SYN3: variants seen among roughly 807,000 people sequenced by gnomAD.
The protein encoded by SYN3 is synapsin III.
Under a neutral mutation model 65.8 loss-of-function variants are expected in SYN3, and 35 were observed. The observed-to-expected ratio is 0.53, with a 90% CI of 0.41 to 0.70. The LOEUF (loss-of-function observed/expected upper bound fraction) is 0.70. SYN3 is among the 30% of genes least tolerant of loss of function. SYN3 has a pLI of 0.00. For missense variants in SYN3, 680 were observed against 749.0 expected (o/e 0.91, Z 1.08); for synonymous variants, 270 against 292.9 (o/e 0.92, Z 0.80).
At chr22:33,032,007 C>T (rs949738885) in intron 1 of SYN3, among the ~76,000 whole-genome samples, 10 of 152,082 alleles carry the variant, frequency 6.6e-5, no homozygotes, top group South Asian at 2.1e-4. Context: ...GTCAGGAGTT[C>T]GAGACCAGCC....
intron 6 of SYN3, among the ~76,000 whole-genome samples, chr22:32,745,321 T>C (rs531719036): frequency 6.6e-6 from 1 of 152,338 alleles, no homozygotes; most frequent in Non-Finnish European, 1.5e-5. Context: ...CCGCCTGTCT[T>C]TCCTGCCAGC....
chr22:32,615,084 A>C (rs961056185), intron 6 of SYN3, among the ~76,000 whole-genome samples: 1 of 152,174 alleles, frequency 6.6e-6, no homozygotes, highest in African/African-American at 2.4e-5. Context: ...ATGTGCGTTT[A>C]ACTCCTTTGA....
chr22:32,571,320 G>A (rs2058755703), intron 7 of SYN3, among the ~76,000 whole-genome samples: 1 of 152,142 alleles, frequency 6.6e-6, no homozygotes, highest in African/African-American at 2.4e-5. Flanking sequence ...CAGCGGGAGT[G>A]GCTGGCCCTG....
chr22:32,778,385 T>G (rs768089950), intron 6 of SYN3, among the ~76,000 whole-genome samples: 1 of 151,718 alleles, frequency 6.6e-6, no homozygotes, highest in African/African-American at 2.4e-5. Context: ...GACTTCCGAG[T>G]TCAAGCAATT....
At chr22:32,854,439 G>T (rs539195913) in intron 6 of SYN3, among the ~76,000 whole-genome samples, 7 of 152,282 alleles carry the variant, frequency 4.6e-5, no homozygotes, top group Admixed American at 1.3e-4. Context: ...GGCAGTCAAG[G>T]GGAAAGACTG....
chr22:33,047,968 T>G (rs541876272), intron 1 of SYN3, among the ~76,000 whole-genome samples: 71 of 152,136 alleles, frequency 4.7e-4, no homozygotes, highest in African/African-American at 1.7e-3. Flanking sequence ...TGTGTTGCCT[T>G]CAACTCCATT....
intron 4 of SYN3, among the ~76,000 whole-genome samples, chr22:32,888,177 T>C (rs2049346416): frequency 6.6e-6 from 1 of 152,194 alleles, no homozygotes; most frequent in African/African-American, 2.4e-5. Context: ...CTAGGGATGT[T>C]TTAGGAAAGC....
At chr22:32,797,465 C>A (rs1445768243) in intron 6 of SYN3, among the ~76,000 whole-genome samples, 3 of 152,058 alleles carry the variant, frequency 2.0e-5, no homozygotes, top group African/African-American at 7.3e-5. Flanking sequence ...GAGGAGGTGA[C>A]ATCTAAGCTG....
intron 1 of SYN3, among the ~76,000 whole-genome samples, chr22:33,023,663 T>A (rs1237072378): frequency 1.3e-5 from 2 of 151,802 alleles, no homozygotes; most frequent in African/African-American, 4.8e-5. Context: ...CTGCAGTGAG[T>A]CATGATTGTG....
At chr22:32,991,230 G>A (rs1043046462) in intron 2 of SYN3, among the ~76,000 whole-genome samples, 16 of 150,532 alleles carry the variant, frequency 1.1e-4, no homozygotes, top group African/African-American at 2.7e-4. Flanking sequence ...GCATACTACC[G>A]GGGAAGCTGA....
intron 6 of SYN3, among the ~76,000 whole-genome samples, chr22:32,750,561 TG>T (rs1306917665): frequency 6.6e-6 from 1 of 152,112 alleles, no homozygotes; most frequent in Non-Finnish European, 1.5e-5. Context: ...AGACTCTTTG[TG>T]GGATGGGGCC....
chr22:32,588,582 G>T (rs2059084210), intron 7 of SYN3, among the ~76,000 whole-genome samples: 1 of 152,122 alleles, frequency 6.6e-6, no homozygotes, highest in African/African-American at 2.4e-5. Context: ...CCTAAGCCTG[G>T]ATTAATTTAT....
At chr22:32,698,056 C>T (rs2060761543) in intron 6 of SYN3, among the ~76,000 whole-genome samples, 1 of 152,102 alleles carries the variant, frequency 6.6e-6, no homozygotes, top group Non-Finnish European at 1.5e-5. Flanking sequence ...CCCTAGCTGA[C>T]CCCAGATTCA....
At chr22:32,690,191 C>G (rs1468754107) in intron 6 of SYN3, among the ~76,000 whole-genome samples, 1 of 151,886 alleles carries the variant, frequency 6.6e-6, no homozygotes, top group African/African-American at 2.4e-5. Context: ...GGAAAAAGGC[C>G]CAAGAGAGAT....
At chr22:32,983,127 A>G (rs1053928899) in intron 2 of SYN3, among the ~76,000 whole-genome samples, 1 of 152,186 alleles carries the variant, frequency 6.6e-6, no homozygotes, top group Non-Finnish European at 1.5e-5. Context: ...TGAACTGAGC[A>G]TTGTGTTAAG....
At chr22:32,699,510 A>G (rs184814398) in intron 6 of SYN3, among the ~76,000 whole-genome samples, 95 of 152,062 alleles carry the variant, frequency 6.2e-4, no homozygotes, top group Admixed American at 1.4e-3. Flanking sequence ...AGTTTTGATG[A>G]GATTTAGGGT....
At chr22:32,526,074 A>G (rs1428586889) in intron 12 of SYN3, among the ~76,000 whole-genome samples, 1 of 152,220 alleles carries the variant, frequency 6.6e-6, no homozygotes, top group African/African-American at 2.4e-5. Flanking sequence ...TGTTAGTAAT[A>G]AAGTATTTTA....
At chr22:32,622,300 AG>A (rs994775456) in intron 6 of SYN3, among the ~76,000 whole-genome samples, 3 of 152,040 alleles carry the variant, frequency 2.0e-5, no homozygotes, top group African/African-American at 2.4e-5. Flanking sequence ...TCAGTTGAAA[AG>A]AAAATTCTCA....
At chr22:32,955,335 G>A (rs1411929517) in intron 3 of SYN3, among the ~76,000 whole-genome samples, 3 of 152,132 alleles carry the variant, frequency 2.0e-5, no homozygotes, top group Non-Finnish European at 4.4e-5. Context: ...TAAAGTGATG[G>A]AGAAGTGTGC....
Sources: gnomAD v4.1 joint callset for allele counts (sites outside exome capture counted in the v4.1 genomes callset) on GRCh38, gnomAD v4.1.1 for gene constraint, MANE v1.5 for transcripts, NCBI Gene and HGNC (gene_info 2026-07-23, HGNC 2026-07-21) for gene names.